PIP4K2A: variants seen among roughly 807,000 people sequenced by gnomAD.
PIP4K2A encodes the protein phosphatidylinositol 5-phosphate 4-kinase type-2 alpha.
In PIP4K2A, 14 loss-of-function variants were observed where a neutral mutation model predicts 42.9. That is an observed-to-expected ratio of 0.33 (90% confidence interval 0.22 to 0.51). The LOEUF is 0.51. Among genes scored for constraint, PIP4K2A ranks in the 20% least tolerant of loss-of-function variants. The probability of loss-of-function intolerance (pLI) is 0.97; values close to 1 mark genes in which losing one functional copy is unlikely to be tolerated. For synonymous variants in PIP4K2A, 192 were observed against 192.2 expected (o/e 1.00, Z 0.01); for missense variants, 434 against 519.8 (o/e 0.83, Z 1.61).
chr10:22,683,346 G>A (rs562916014), intron 1 of PIP4K2A, among the ~76,000 whole-genome samples: 42 of 152,234 alleles, frequency 2.8e-4, no homozygotes, highest in African/African-American at 8.2e-4. Flanking sequence ...AGTCTTCCAT[G>A]CTGTGGTACA....
chr10:22,706,820 A>T (rs1407868536), intron 1 of PIP4K2A, among the ~76,000 whole-genome samples: 2 of 152,244 alleles, frequency 1.3e-5, no homozygotes, highest in Non-Finnish European at 2.9e-5. Context: ...AAATAGATAC[A>T]GAAAGCAAAG....
chr10:22,611,372 A>T (rs1392846097), intron 1 of PIP4K2A, among the ~76,000 whole-genome samples: 1 of 151,766 alleles, frequency 6.6e-6, no homozygotes, highest in African/African-American at 2.4e-5. Flanking sequence ...CCTGGGTGAC[A>T]GAGTGGATCC....
At chr10:22,652,499 C>T (rs1365881128) in intron 1 of PIP4K2A, among the ~76,000 whole-genome samples, 2 of 152,126 alleles carry the variant, frequency 1.3e-5, no homozygotes, top group Admixed American at 1.3e-4. Context: ...TCTCCCTCTG[C>T]AAAGCAATGT....
At chr10:22,555,554 T>C (rs772509993) in intron 6 of PIP4K2A, among the ~76,000 whole-genome samples, 32 of 152,252 alleles carry the variant, frequency 2.1e-4, no homozygotes, top group Non-Finnish European at 7.3e-5. Context: ...TGTGATGTTC[T>C]GGGCCAGTTG....
At chr10:22,713,899 G>GGCGC (rs1342746666) in intron 1 of PIP4K2A, 4 of 248,074 alleles carry the variant, frequency 1.6e-5, no homozygotes, top group Non-Finnish European at 3.1e-5. Flanking sequence ...CGGGCGGGCG[G>GGCGC]ACCGGGGGCG....
At chr10:22,571,336 G>A (rs1836983069) in intron 5 of PIP4K2A, among the ~76,000 whole-genome samples, 1 of 152,198 alleles carries the variant, frequency 6.6e-6, no homozygotes. Flanking sequence ...AACTGACAGG[G>A]CTTGTGGCCA....
At chr10:22,604,672 G>GT (rs938740103) in intron 3 of PIP4K2A, among the ~76,000 whole-genome samples, 1 of 152,090 alleles carries the variant, frequency 6.6e-6, no homozygotes, top group Non-Finnish European at 1.5e-5. Context: ...AAGAGAGTTG[G>GT]TTTTTTTCCG....
chr10:22,627,607 A>T (rs1376015288), intron 1 of PIP4K2A, among the ~76,000 whole-genome samples: 28 of 106,962 alleles, frequency 2.6e-4, no homozygotes, highest in Non-Finnish European at 4.4e-4. Flanking sequence ...AAAAAAAAAA[A>T]AAAAAAAAAA....
chr10:22,572,561 A>C (rs10764337), intron 5 of PIP4K2A, among the ~76,000 whole-genome samples: 137,718 of 152,052 alleles, frequency 0.91, 62,626 homozygotes, highest in South Asian at 0.95. Flanking sequence ...GCCAAGATTG[A>C]GCCACTGCGC....
chr10:22,698,117 G>A (rs1405082681), intron 1 of PIP4K2A, among the ~76,000 whole-genome samples: 1 of 152,114 alleles, frequency 6.6e-6, no homozygotes, highest in Non-Finnish European at 1.5e-5. Context: ...TCTTTTCAGA[G>A]GGCAGACTCG....
chr10:22,617,591 G>A (rs1838202683), intron 1 of PIP4K2A, among the ~76,000 whole-genome samples: 1 of 152,188 alleles, frequency 6.6e-6, no homozygotes, highest in Non-Finnish European at 1.5e-5. Flanking sequence ...CACATGTAGA[G>A]GAGACACTGA....
intron 1 of PIP4K2A, among the ~76,000 whole-genome samples, chr10:22,664,182 C>CATATATATACATATATATATACATAT (rs1839297187): frequency 9.2e-5 from 4 of 43,506 alleles, no homozygotes; most frequent in South Asian, 5.3e-4. Context: ...TATATATATA[C>CATATATATACATATATATATACATAT]ATATATATAC....
intron 7 of PIP4K2A, among the ~76,000 whole-genome samples, chr10:22,544,435 A>G (rs1836209999): frequency 3.3e-5 from 5 of 152,100 alleles, no homozygotes; most frequent in Admixed American, 1.3e-4. Context: ...TGCCCCTCCC[A>G]AGCCTAGCAC....
At chr10:22,674,913 T>A (rs544457445) in intron 1 of PIP4K2A, among the ~76,000 whole-genome samples, 3 of 151,964 alleles carry the variant, frequency 2.0e-5, no homozygotes, top group South Asian at 4.1e-4. Context: ...CAGTGAGCTA[T>A]CATCATGCCA....
chr10:22,645,067 C>G (rs753541267), intron 1 of PIP4K2A, among the ~76,000 whole-genome samples: 4 of 152,166 alleles, frequency 2.6e-5, no homozygotes, highest in Non-Finnish European at 5.9e-5. Flanking sequence ...CAGGTAGAAC[C>G]AAATCACTAT....
chr10:22,672,307 G>A (rs982015654), intron 1 of PIP4K2A, among the ~76,000 whole-genome samples: 20 of 151,936 alleles, frequency 1.3e-4, no homozygotes, highest in African/African-American at 4.3e-4. Flanking sequence ...TGTTGGAGGC[G>A]GATGAGATTA....
chr10:22,696,340 A>G (rs757667597), intron 1 of PIP4K2A, among the ~76,000 whole-genome samples: 2 of 152,202 alleles, frequency 1.3e-5, no homozygotes, highest in Non-Finnish European at 2.9e-5. Context: ...GTGTGTTTTT[A>G]GCTGAGCCGA....
intron 1 of PIP4K2A, among the ~76,000 whole-genome samples, chr10:22,650,961 G>A (rs146519572): frequency 5.0e-4 from 76 of 152,114 alleles, no homozygotes; most frequent in African/African-American, 1.5e-3. Context: ...GTTCACCACC[G>A]GACTTTAAAT....
intron 6 of PIP4K2A, among the ~76,000 whole-genome samples, chr10:22,558,381 G>C (rs1588624626): frequency 6.6e-6 from 1 of 152,198 alleles, no homozygotes. Flanking sequence ...CCTTATGTTG[G>C]AGCTAGGATA....
Sources: allele counts gnomAD v4.1 joint callset (sites outside exome capture counted in the v4.1 genomes callset), GRCh38; gene constraint gnomAD v4.1.1; transcripts MANE v1.5; gene names NCBI Gene and HGNC (gene_info 2026-07-23, HGNC 2026-07-21).